The following MGAT5 variants were observed in gnomAD, a reference collection of about 807,000 sequenced individuals.
MGAT5 encodes alpha-1,6-mannosylglycoprotein 6-beta-N-acetylglucosaminyltransferase.
MGAT5 carries 30 observed loss-of-function variants against 94.3 expected under a neutral mutation model. The ratio of observed to expected loss-of-function variants is 0.32; its 90% confidence interval spans 0.24 to 0.43. MGAT5 has a LOEUF of 0.43. Among genes scored for constraint, MGAT5 ranks in the 20% least tolerant of loss-of-function variants. The pLI is 1.00. For missense variants in MGAT5, 691 were observed against 905.5 expected, an observed-to-expected ratio of 0.76 and a Z score of 3.04; for synonymous variants, 310 against 322.9, an observed-to-expected ratio of 0.96 and a Z score of 0.43.
In MGAT5 at chr2:134,187,205, G is replaced by A. The variant is rs1689086695; in HGVS notation, c.-143+66914G>A. ...GGGTTCCATCATGATTATGATGGAC[G>A]TGTGTGAAGAATTTTGAGCAGGAGG... On this transcript the variant is annotated intron_variant, in intron 1 of 16. Transcript: ENST00000409645. Among the ~76,000 whole-genome samples the A allele has an allele frequency of 2.0e-5, 3 of 152,304 alleles. No homozygotes were observed. In the South Asian group the frequency reaches 6.2e-4, roughly 32 times the overall value.
At chr2:134,304,923 G>A (rs1214089457) in intron 2 of MGAT5, among the ~76,000 whole-genome samples, 1 of 152,122 alleles carries the variant, frequency 6.6e-6, no homozygotes, top group Admixed American at 6.6e-5. Flanking sequence ...TACCTAGCAG[G>A]CTTGGCATGT....
intron 2 of MGAT5, among the ~76,000 whole-genome samples, chr2:134,280,010 G>A (rs539477115): frequency 8.5e-5 from 13 of 152,272 alleles, no homozygotes; most frequent in African/African-American, 2.9e-4. Context: ...CCATGTTTTT[G>A]AAAAGGTTTT....
intron 1 of MGAT5, among the ~76,000 whole-genome samples, chr2:134,255,394 C>T (rs1453188163): frequency 1.3e-5 from 2 of 151,440 alleles, no homozygotes; most frequent in Non-Finnish European, 2.9e-5. Flanking sequence ...TCTACTACTC[C>T]AGGCAATAAC....
At chr2:134,390,027 G>A (rs887503994) in intron 10 of MGAT5, among the ~76,000 whole-genome samples, 14 of 152,040 alleles carry the variant, frequency 9.2e-5, no homozygotes, top group Non-Finnish European at 1.9e-4. Flanking sequence ...TCCATTCCAC[G>A]CTTCAGACTG....
intron 1 of MGAT5, among the ~76,000 whole-genome samples, chr2:134,225,655 G>C (rs1481940949): frequency 6.6e-6 from 1 of 152,172 alleles, no homozygotes. Flanking sequence ...TCTCAGGATG[G>C]GAAGATAACA....
intron 10 of MGAT5, among the ~76,000 whole-genome samples, chr2:134,377,590 C>G (rs1039758673): frequency 3.3e-5 from 5 of 152,178 alleles, no homozygotes; most frequent in African/African-American, 1.2e-4. Context: ...GACCACGGCT[C>G]CTTTACCTTC....
At chr2:134,259,015 C>T (rs1358393575) in intron 1 of MGAT5, among the ~76,000 whole-genome samples, 1 of 152,184 alleles carries the variant, frequency 6.6e-6, no homozygotes, top group African/African-American at 2.4e-5. Flanking sequence ...CCAACCCATC[C>T]TTGTTTTGGT....
At chr2:134,406,257 AC>A (rs1242757770) in intron 11 of MGAT5, among the ~76,000 whole-genome samples, 2 of 152,170 alleles carry the variant, frequency 1.3e-5, no homozygotes, top group Admixed American at 1.3e-4. Context: ...TGTGAGCTGG[AC>A]CAGTACCGTC....
chr2:134,359,603 G>C (rs561964349), intron 9 of MGAT5, among the ~76,000 whole-genome samples: 1 of 152,146 alleles, frequency 6.6e-6, no homozygotes, highest in Non-Finnish European at 1.5e-5. Flanking sequence ...CCTGCATCCC[G>C]TTTATGATGA....
At chr2:134,180,982 G>A (rs1039932124) in intron 1 of MGAT5, among the ~76,000 whole-genome samples, 2 of 152,148 alleles carry the variant, frequency 1.3e-5, no homozygotes, top group Admixed American at 1.3e-4. Context: ...CTAAACATTT[G>A]TTCTCATTTC....
intron 1 of MGAT5, among the ~76,000 whole-genome samples, chr2:134,190,885 G>T (rs1689337665): frequency 1.3e-5 from 2 of 151,966 alleles, no homozygotes; most frequent in Admixed American, 6.6e-5. Flanking sequence ...CTGTGCTCAA[G>T]TGATCTGCCC....
chr2:134,274,548 T>C (rs888510292), intron 2 of MGAT5, among the ~76,000 whole-genome samples: 3 of 140,828 alleles, frequency 2.1e-5, no homozygotes, highest in African/African-American at 9.0e-5. Context: ...GACAAGAACA[T>C]TGTGTAGCTC....
intron 7 of MGAT5, among the ~76,000 whole-genome samples, chr2:134,344,585 C>A (rs1163056217): frequency 6.6e-6 from 1 of 151,992 alleles, no homozygotes; most frequent in Non-Finnish European, 1.5e-5. Flanking sequence ...GTATCCAGTC[C>A]TTGTTTTCTG....
Position 134,422,821 on chromosome 2 carries a change from T to TA in MGAT5, c.1697dup (p.Tyr566Ter), listed in dbSNP as rs1558875401. The TA allele has an allele frequency of 6.2e-7, 1 of 1,613,812 alleles. No homozygotes were observed. Among genetic ancestry groups the TA allele is most frequent in the Non-Finnish European group, 8.5e-7 (1 of 1,179,760 alleles). The change falls in exon 13 of 16, where the codon TAC (tyrosine) becomes TAAC (stop). Residue 566 changes from tyrosine (Y) to a stop codon, truncating the protein, a stop_gained and frameshift_variant. Coordinates refer to ENST00000281923, the MANE Select transcript of MGAT5 (RefSeq NM_002410.5). LOFTEE classifies it high-confidence loss of function. ...TTTCCAGCTGACATCCCAGCATCCT[T>TA]ACGCTGAAGTTTTCATCGGGCGGCC... Reference protein sequence around the residue: ...TLRELTSQHPYAEVFIGRPHV... With the variant: ...TLRELTSQHP
intron 1 of MGAT5, among the ~76,000 whole-genome samples, chr2:134,127,505 C>A (rs965506656): frequency 2.4e-5 from 3 of 125,126 alleles, no homozygotes; most frequent in South Asian, 3.3e-4. Context: ...TCCCCCCCCC[C>A]CAGGCTTGTT....
chr2:134,351,944 G>A (rs1229473762), intron 9 of MGAT5, among the ~76,000 whole-genome samples: 1 of 152,140 alleles, frequency 6.6e-6, no homozygotes, highest in Non-Finnish European at 1.5e-5. Context: ...TGAACATATG[G>A]AAAGATGTTA....
intron 10 of MGAT5, among the ~76,000 whole-genome samples, chr2:134,385,550 G>A (rs978575665): frequency 5.9e-5 from 9 of 152,140 alleles, no homozygotes; most frequent in African/African-American, 2.2e-4. Context: ...CCTGACTTCA[G>A]AAGCCCTCAG....
intron 1 of MGAT5, among the ~76,000 whole-genome samples, chr2:134,191,385 G>C (rs1018267427): frequency 9.2e-5 from 14 of 152,152 alleles, no homozygotes; most frequent in Non-Finnish European, 2.1e-4. Flanking sequence ...AGATGAATGA[G>C]GTTATCGCGG....
chr2:134,336,118 TA>T, intron 4 of MGAT5, 98 bp from the exon 5 acceptor site: 1 of 874,628 alleles, frequency 1.1e-6, no homozygotes, highest in Non-Finnish European at 1.8e-6. Context: ...CATATTAATA[TA>T]GTGCTAGTTG....
Sources: allele counts gnomAD v4.1 joint callset (sites outside exome capture counted in the v4.1 genomes callset), GRCh38; gene constraint gnomAD v4.1.1; transcripts MANE v1.5; gene names NCBI Gene and HGNC (gene_info 2026-07-23, HGNC 2026-07-21).